Variants in TPM4 observed in about 807,000 individuals in gnomAD.
TPM4 encodes tropomyosin alpha-4 chain.
Under a neutral mutation model 35.8 loss-of-function variants are expected in TPM4, and 17 were observed. That is an observed-to-expected ratio of 0.47 (90% confidence interval 0.32 to 0.71). The LOEUF is 0.71. TPM4 is among the 30% of genes least tolerant of loss of function. TPM4 has a pLI of 0.03. For synonymous variants in TPM4, 120 were observed against 122.9 expected (o/e 0.98, Z 0.15); for missense variants, 240 against 320.9 (o/e 0.75, Z 1.93).
Position 16,088,738 on chromosome 19 carries a change from G to A in TPM4, c.456-307G>A, listed in dbSNP as rs556491994. ...TCCCATTCTTACACCTTCCGGAGTC[G>A]GCCTCATCAATCATAGATTTCACAA... On this transcript the variant is annotated intron_variant, in intron 4 of 7. Transcript: ENST00000643579. The A allele has an allele frequency of 3.8e-5, 43 of 1,125,080 alleles. No homozygotes were observed. The East Asian group carries it at 1.2e-3, about 31-fold the overall frequency. 69.7% of individuals were successfully genotyped at this position (1,125,080 alleles called of 1,614,324 possible). A position where few individuals can be genotyped will look rare whatever the true frequency, so the allele number is the denominator to read the frequency against.
rs2090488701 is a variant in TPM4, at chr19:16,081,956, T to C, written c.176T>C (p.Val59Ala). The stretch of plus-strand genomic sequence containing the variant: ...GCCCTCAACCGACGCATCCAGCTCG[T>C]TGAGGAGGAGTTGGACAGGGCTCAG... ...VAALNRRIQL[V>A]EEELDRAQER... Residue 59 changes from valine to alanine, a missense_variant, in exon 2 of 8, where the codon GTT (valine) becomes GCT (alanine). By Grantham distance (64) the Val-to-Ala change is moderately conservative. Coordinates refer to ENST00000643579, the MANE Select transcript of TPM4 (RefSeq NM_003290.3). The C allele has an allele frequency of 6.2e-7, 1 of 1,608,944 alleles. No homozygotes were observed. The highest frequency in any genetic ancestry group is 1.1e-5 in the South Asian group (1 of 90,884).
chr19:16,092,019 A>C (rs1418660976), intron 5 of TPM4, among the ~76,000 whole-genome samples: 5 of 151,400 alleles, frequency 3.3e-5, no homozygotes, highest in Non-Finnish European at 5.9e-5. Context: ...AAAATAACAA[A>C]AATTAGCTGG....
upstream of TPM4, among the ~76,000 whole-genome samples, chr19:16,073,368 T>C (rs536315129): frequency 6.6e-6 from 1 of 152,292 alleles, no homozygotes; most frequent in Non-Finnish European, 1.5e-5. Context: ...TAGGTCAGGG[T>C]TGACCTATGA....
At chr19:16,077,959 G>T in intron 1 of TPM4, 1 of 375,160 alleles carries the variant, frequency 2.7e-6, no homozygotes, top group Admixed American at 4.6e-5. Context: ...ATTTTTAGTA[G>T]AGACAGTGTC....
chr19:16,092,440 T>C (rs750945185), intron 5 of TPM4, among the ~76,000 whole-genome samples: 1 of 152,048 alleles, frequency 6.6e-6, no homozygotes, highest in South Asian at 2.1e-4. Flanking sequence ...GGCCTTCTGA[T>C]CAATACCATC....
At chr19:16,095,396 G>A (rs1261643799) in intron 7 of TPM4, 4 of 1,032,152 alleles carry the variant, frequency 3.9e-6, no homozygotes, top group Admixed American at 5.7e-5. Context: ...TGCCTCCTAC[G>A]CCCCTGTGGG....
chr19:16,078,092 C>T, intron 1 of TPM4: 1 of 398,536 alleles, frequency 2.5e-6, no homozygotes, highest in Non-Finnish European at 4.4e-6. Context: ...TTTTCTCTGC[C>T]CTGGGAAGAG....
chr19:16,068,169 C>CGTGT (rs35984570), intron 2 of TPM4, among the ~76,000 whole-genome samples: 42 of 148,686 alleles, frequency 2.8e-4, no homozygotes, highest in African/African-American at 5.9e-4. Context: ...TGCATGTGTG[C>CGTGT]GTGTGTGTGT....
At chr19:16,086,214 G>A (rs1307753124) in intron 2 of TPM4, among the ~76,000 whole-genome samples, 2 of 152,032 alleles carry the variant, frequency 1.3e-5, no homozygotes, top group Non-Finnish European at 2.9e-5. Flanking sequence ...GCCAGACATG[G>A]TGACGGGTGC....
At chr19:16,080,295 T>C in intron 1 of TPM4, 1 of 208,432 alleles carries the variant, frequency 4.8e-6, no homozygotes, top group African/African-American at 2.3e-5. Context: ...GCCCCTCGGT[T>C]TCTTCACCTG....
intron 5 of TPM4, among the ~76,000 whole-genome samples, chr19:16,090,451 A>G (rs552433180): frequency 6.7e-6 from 1 of 148,494 alleles, no homozygotes; most frequent in African/African-American, 2.5e-5. Context: ...ACAAGGTTTC[A>G]TCATGTTGGC....
Position 16,067,930 on chromosome 19 carries a change from G to A in TPM4, c.114+192G>A, listed in dbSNP as rs1016767657. On this transcript the variant is annotated intron_variant, in intron 2 of 2. Coordinates refer to the TPM4 transcript ENST00000589897. The surrounding 1 kb of genome is among the most constrained non-coding windows in gnomAD (Gnocchi z 4.1). ...CTGGGCTGGAAGAGGGGTGACGATCGGACCCACCCCCAGCAGGGCCAGTGC... is the reference window on the plus strand; with the variant it reads ...CTGGGCTGGAAGAGGGGTGACGATCAGACCCACCCCCAGCAGGGCCAGTGC... 2.6e-5 allele frequency: 14 copies of A among 545,894 alleles called. No individual in the cohort carries two copies. The highest frequency in any genetic ancestry group is 4.1e-5 in the Non-Finnish European group (13 of 316,072). 33.8% of individuals were successfully genotyped at this position (545,894 alleles called of 1,614,324 possible).
intron 3 of TPM4, 152 bp downstream of exon 3, chr19:16,086,692 G>A: frequency 1.6e-6 from 1 of 642,544 alleles, no homozygotes; most frequent in Non-Finnish European, 2.7e-6. Flanking sequence ...ACAACCACTT[G>A]GCTAGGAAAC....
intron 2 of TPM4, among the ~76,000 whole-genome samples, chr19:16,069,277 TTC>T (rs1225890603): frequency 6.6e-6 from 1 of 150,998 alleles, no homozygotes; most frequent in Non-Finnish European, 1.5e-5. Flanking sequence ...ATGAGTGTGT[TTC>T]TGTTGGTGTG....
chr19:16,095,470 G>A (rs1050398228), intron 7 of TPM4: 2 of 1,023,898 alleles, frequency 2.0e-6, no homozygotes, highest in South Asian at 4.6e-5. Context: ...TGATGTGTCT[G>A]TGACTCTACA....
At chr19:16,099,078 G>GTT (rs143374241) in intron 7 of TPM4, among the ~76,000 whole-genome samples, 1 of 150,308 alleles carries the variant, frequency 6.7e-6, no homozygotes, top group Non-Finnish European at 1.5e-5. Flanking sequence ...CTCTGTGTGT[G>GTT]TGTGTGTGTG....
chr19:16,095,405 G>A, intron 7 of TPM4: 1 of 1,032,190 alleles, frequency 9.7e-7, no homozygotes. Flanking sequence ...CGCCCCTGTG[G>A]GCTTCTAGGA....
At chr19:16,085,585 A>G (rs1425878898) in intron 2 of TPM4, among the ~76,000 whole-genome samples, 1 of 152,018 alleles carries the variant, frequency 6.6e-6, no homozygotes, top group Non-Finnish European at 1.5e-5. Flanking sequence ...AAGAAAAAGA[A>G]AGGGGGCACA....
At position 16,086,503 on chromosome 19, in the gene TPM4, A is replaced by G. The variant is rs1454961926; in HGVS notation, c.347A>G (p.Lys116Arg). 3 of 1,613,934 alleles carry G rather than the reference A, an allele frequency of 1.9e-6. No homozygotes were observed. In the African/African-American group the frequency reaches 4.0e-5, roughly 22 times the overall value. ...EIQEMQLKEA[K>R]HIAEEADRKY... ...CAGGAGATGCAGCTCAAAGAGGCCAAGCACATTGCGGAAGAGGCTGACCGC... is the reference window on the plus strand; with the variant it reads ...CAGGAGATGCAGCTCAAAGAGGCCAGGCACATTGCGGAAGAGGCTGACCGC... Residue 116 changes from lysine (K) to arginine (R), a missense_variant, in exon 3 of 8, where the codon AAG (lysine) becomes AGG (arginine). Coordinates refer to ENST00000643579, the MANE Select transcript of TPM4 (RefSeq NM_003290.3).
Sources: allele counts gnomAD v4.1 joint callset (sites outside exome capture counted in the v4.1 genomes callset), GRCh38; gene constraint gnomAD v4.1.1; non-coding constraint Gnocchi (gnomAD v3.1); transcripts MANE v1.5; gene names NCBI Gene and HGNC (gene_info 2026-07-23, HGNC 2026-07-21).